CCDC39: variants seen among roughly 807,000 people sequenced by gnomAD.
CCDC39 encodes the protein coiled-coil domain 39 molecular ruler complex subunit, also known as coiled-coil domain-containing protein 39.
In CCDC39, 113 loss-of-function variants were observed where a neutral mutation model predicts 121.0. The ratio of observed to expected loss-of-function variants is 0.93; its 90% CI spans 0.80 to 1.09. The LOEUF is 1.09. Among genes scored for constraint, CCDC39 ranks in the 50% least tolerant of loss-of-function variants. The pLI is 0.00. For missense variants in CCDC39, 1,063 were observed against 1,074.7 expected (o/e 0.99, Z 0.15); for synonymous variants, 349 against 352.2 (o/e 0.99, Z 0.10).
At chr3:180,657,978 G>T (rs80175839) in intron 6 of CCDC39, among the ~76,000 whole-genome samples, 2 of 152,122 alleles carry the variant, frequency 1.3e-5, no homozygotes, top group African/African-American at 2.4e-5. Context: ...GGTGGCTCAC[G>T]CCTGTAATCC....
In CCDC39 at chr3:180,654,794, G is replaced by T. The variant is rs1236397924; in HGVS notation, c.898C>A (p.His300Asn). 8.1e-6 allele frequency: 13 copies of T among 1,609,590 alleles called. No homozygotes were observed. Among genetic ancestry groups the T allele is most frequent in the Non-Finnish European group, 1.0e-5 (12 of 1,178,054 alleles). Residue 300 changes from histidine to asparagine, a missense_variant, in exon 7 of 20, where the codon CAT becomes AAT. His to Asn is a moderately conservative substitution (Grantham distance 68). Coordinates refer to ENST00000476379, the MANE Select transcript of CCDC39 (RefSeq NM_181426.2). ...TTCAGCTGAATTCTACTAGTTTCAT[G>T]GTCCTGATATGCCGTTCTACATTTT... ...LLKCRTAYQD[H>N]ETSRIQLKGE...
chr3:180,631,684 G>A lies in CCDC39; in HGVS notation c.1875-92C>T. ...GTTCTTATTGAAGACATTTGGATTT[G>A]TGTTACTACTAAACTCAAACAGGTT... On this transcript the variant is annotated intron_variant, in intron 13 of 19. Transcript: ENST00000476379. The A allele has an allele frequency of 2.9e-6, 3 of 1,051,988 alleles. No homozygotes were observed. The South Asian group carries it at 4.5e-5, about 16-fold the overall frequency. The allele number at this position is 1,051,988 out of a possible 1,614,324, so 65.2% of individuals were successfully genotyped here.
rs6807156 is a variant in CCDC39 at position 180,641,661 on chromosome 3, T to C, written c.1874+332A>G. Among the ~76,000 whole-genome samples the C allele has an allele frequency of 9.1e-3, 1,392 of 152,208 alleles. 19 individuals are homozygous for C. The highest frequency in any genetic ancestry group is 0.032 in the African/African-American group (1,335 of 41,558). On this transcript the variant is annotated intron_variant, in intron 13 of 19. Transcript: ENST00000476379. Reference sequence around the variant, plus strand: ...AAACATGTAGCCAGAAATAATCTTATAAAAGATGTGCAAAATCACTTCAAT... The same window carrying C: ...AAACATGTAGCCAGAAATAATCTTACAAAAGATGTGCAAAATCACTTCAAT...
At chr3:180,669,332 T>C (rs1166948454) in intron 1 of CCDC39, among the ~76,000 whole-genome samples, 1 of 152,164 alleles carries the variant, frequency 6.6e-6, no homozygotes, top group Non-Finnish European at 1.5e-5. Context: ...CACCTCCAAA[T>C]GAACTTTGGA....
intron 1 of CCDC39, among the ~76,000 whole-genome samples, chr3:180,667,421 C>T (rs1418809670): frequency 1.3e-5 from 2 of 152,074 alleles, no homozygotes; most frequent in Non-Finnish European, 2.9e-5. Flanking sequence ...ATCATTTTTC[C>T]AATAGCATGT....
At chr3:180,629,731 G>A (rs140997673) in intron 14 of CCDC39, among the ~76,000 whole-genome samples, 39 of 152,304 alleles carry the variant, frequency 2.6e-4, no homozygotes, top group African/African-American at 8.2e-4. Context: ...TAACTGCGTG[G>A]CAAGCTGTGG....
At chr3:180,657,644 G>A (rs1013829767) in intron 6 of CCDC39, among the ~76,000 whole-genome samples, 2 of 152,160 alleles carry the variant, frequency 1.3e-5, no homozygotes, top group African/African-American at 4.8e-5. Flanking sequence ...TAATGCCTCA[G>A]CAGATACTAT....
intron 13 of CCDC39, among the ~76,000 whole-genome samples, chr3:180,639,421 A>G (rs1427239913): frequency 2.0e-5 from 3 of 152,162 alleles, no homozygotes; most frequent in African/African-American, 7.2e-5. Flanking sequence ...TGTGGTATAT[A>G]TACACCATGG....
intron 6 of CCDC39, among the ~76,000 whole-genome samples, chr3:180,656,550 T>C (rs1711584953): frequency 6.6e-6 from 1 of 152,114 alleles, no homozygotes; most frequent in African/African-American, 2.4e-5. Flanking sequence ...GTCAGAGGCA[T>C]TTGAACCATA....
Position 180,641,952 on chromosome 3 carries a change from TG to T in CCDC39, c.1874+40del, listed in dbSNP as rs761800736. ...GCAGCTAGTTCTCCTGACATCATCC[TG>T]TTTTTTTAATTCCTCAGCAGTTTTA... On this transcript the variant is annotated intron_variant, in intron 13 of 19. Coordinates refer to ENST00000476379, the MANE Select transcript of CCDC39 (RefSeq NM_181426.2). The T allele has an allele frequency of 2.1e-6, 3 of 1,418,078 alleles. No individual in the cohort carries two copies. The South Asian group carries it at 4.2e-5, about 20-fold the overall frequency. 87.8% of individuals were successfully genotyped at this position (1,418,078 alleles called of 1,614,324 possible). A position where few individuals can be genotyped will look rare whatever the true frequency, so the allele number is the denominator to read the frequency against.
chr3:180,617,475 A>C (rs746070899), intron 16 of CCDC39: 7 of 687,638 alleles, frequency 1.0e-5, no homozygotes, highest in Non-Finnish European at 1.9e-5. Context: ...CATAGATGAC[A>C]GCTCCATTCA....
At chr3:180,648,714 T>C (rs1560088720) in intron 9 of CCDC39, among the ~76,000 whole-genome samples, 1 of 152,120 alleles carries the variant, frequency 6.6e-6, no homozygotes, top group Non-Finnish European at 1.5e-5. Flanking sequence ...GTCTTGAGGG[T>C]GCTATGGGGA....
At chr3:180,675,914 A>C (rs1197243990) in intron 1 of CCDC39, among the ~76,000 whole-genome samples, 1 of 139,644 alleles carries the variant, frequency 7.2e-6, no homozygotes, top group Non-Finnish European at 1.5e-5. Flanking sequence ...CTATTTAATA[A>C]ATGTGCTGGG....
chr3:180,651,644 C>T (rs557344615), intron 8 of CCDC39, 111 bp from the exon 9 acceptor site: 13 of 1,022,888 alleles, frequency 1.3e-5, no homozygotes, highest in East Asian at 5.9e-5. Context: ...GGGTTTTTTG[C>T]GTAAACCTTT....
In CCDC39 at chr3:180,623,116, G is replaced by T. The variant is rs752689875; in HGVS notation, c.1999-3146C>A. On this transcript the variant is annotated intron_variant, in intron 14 of 19. Coordinates refer to ENST00000476379, the MANE Select transcript of CCDC39 (RefSeq NM_181426.2). ...TTATTATTATTATTATTATTATTAT[G>T]GATTCATTCTTGCTATTTATATTAT... is the stretch of plus-strand genomic sequence containing the variant. 5.6e-3 allele frequency among the ~76,000 whole-genome samples: 762 copies of T among 137,130 alleles called. 6 individuals are homozygous for T. The highest frequency in any genetic ancestry group is 0.02 in the African/African-American group (705 of 35,352). The allele number at this position is 137,130 out of a possible 152,430, so 90.0% of individuals were successfully genotyped here. A position where few individuals can be genotyped will look rare whatever the true frequency, so the allele number is the denominator to read the frequency against.
chr3:180,670,639 C>CTTTTTTTTTT (rs573623299), intron 1 of CCDC39, among the ~76,000 whole-genome samples: 3 of 120,438 alleles, frequency 2.5e-5, no homozygotes, highest in African/African-American at 9.1e-5. Flanking sequence ...TTTTTTTTCT[C>CTTTTTTTTTT]TTTTTTTTTT....
chr3:180,674,839 A>G (rs912098770), intron 1 of CCDC39, among the ~76,000 whole-genome samples: 2 of 152,132 alleles, frequency 1.3e-5, no homozygotes, highest in East Asian at 1.9e-4. Context: ...CCACTTGATC[A>G]TCGTGGATAA....
intron 1 of CCDC39, among the ~76,000 whole-genome samples, chr3:180,665,559 C>T (rs1711853376): frequency 6.6e-6 from 1 of 151,830 alleles, no homozygotes; most frequent in Non-Finnish European, 1.5e-5. Flanking sequence ...TTTTAATTCC[C>T]TCTCGTTTCC....
rs115663508 is a variant in CCDC39 at position 180,660,440 on chromosome 3, C to T, written c.516+130G>A. On this transcript the variant is annotated intron_variant, in intron 4 of 19. Coordinates refer to ENST00000476379, the MANE Select transcript of CCDC39 (RefSeq NM_181426.2). Reference sequence around the variant, plus strand: ...AGAAGACATTTGGCTTTATTAGCTTCTCCAAGAAGCCTCTGACTCAGAAGT... The same window carrying T: ...AGAAGACATTTGGCTTTATTAGCTTTTCCAAGAAGCCTCTGACTCAGAAGT... 200 of 738,782 alleles carry T rather than the reference C, an allele frequency of 2.7e-4. No homozygotes were observed. The African/African-American group carries it at 3.3e-3, about 12-fold the overall frequency. 45.8% of individuals were successfully genotyped at this position (738,782 alleles called of 1,614,324 possible).
Sources: allele counts gnomAD v4.1 joint callset (sites outside exome capture counted in the v4.1 genomes callset), GRCh38; gene constraint gnomAD v4.1.1; transcripts MANE v1.5; gene names NCBI Gene and HGNC (gene_info 2026-07-23, HGNC 2026-07-21).